Variants in FBXL17 observed in about 807,000 individuals in gnomAD.
FBXL17 encodes the protein F-box and leucine rich repeat protein 17.
FBXL17 carries 22 observed loss-of-function variants against 66.2 expected under a neutral mutation model. The observed-to-expected ratio is 0.33, with a 90% CI of 0.24 to 0.47. The LOEUF (loss-of-function observed/expected upper bound fraction) is 0.47, where lower values mean the gene tolerates loss of function less well. Among genes scored for constraint, FBXL17 ranks in the 20% least tolerant of loss-of-function variants. The probability of loss-of-function intolerance (pLI) is 1.00; values close to 1 mark genes in which losing one functional copy is unlikely to be tolerated. For synonymous variants in FBXL17, 474 were observed against 400.5 expected (o/e 1.18, Z -2.19); for missense variants, 878 against 948.2 (o/e 0.93, Z 0.97).
chr5:107,892,743 C>T (rs35075830), intron 7 of FBXL17, among the ~76,000 whole-genome samples: 2,004 of 152,248 alleles, frequency 0.013, 20 homozygotes, highest in Middle Eastern at 0.037. Flanking sequence ...ACAATTGTTT[C>T]TCCCTAACTG....
At chr5:107,927,350 A>G (rs1008006061) in intron 7 of FBXL17, among the ~76,000 whole-genome samples, 1 of 152,262 alleles carries the variant, frequency 6.6e-6, no homozygotes, top group East Asian at 1.9e-4. Flanking sequence ...GAAAAATGCA[A>G]TGGCTACTCT....
At chr5:108,297,829 A>C in intron 4 of FBXL17, 2 of 815,516 alleles carry the variant, frequency 2.5e-6, no homozygotes, top group Non-Finnish European at 3.0e-6. Flanking sequence ...TTACTGAATA[A>C]GCATTTAACA....
chr5:107,877,924 G>A (rs1217180591), intron 8 of FBXL17, among the ~76,000 whole-genome samples: 1 of 152,110 alleles, frequency 6.6e-6, no homozygotes, highest in Non-Finnish European at 1.5e-5. Flanking sequence ...CCTAATCATA[G>A]TTTTTCTGTT....
rs561819489 is a variant in FBXL17 at position 108,057,729 on chromosome 5, A to T, written c.1746-36728T>A. Among the ~76,000 whole-genome samples, 320 of 152,306 alleles carry T rather than the reference A, an allele frequency of 2.1e-3. 2 individuals carry two copies. Among genetic ancestry groups the T allele is most frequent in the African/African-American group, 7.1e-3 (297 of 41,586 alleles). On this transcript the variant is annotated intron_variant, in intron 6 of 8. Coordinates refer to ENST00000542267, the MANE Select transcript of FBXL17 (RefSeq NM_001163315.3). ...CTTTTTCTTAAATCCGTCCTAAGGGATTTTGTTCAAATAGTGTGCTCTTTC... is the reference window on the plus strand; with the variant it reads ...CTTTTTCTTAAATCCGTCCTAAGGGTTTTTGTTCAAATAGTGTGCTCTTTC...
chr5:108,200,343 C>G (rs1753840891), intron 5 of FBXL17, among the ~76,000 whole-genome samples: 1 of 151,926 alleles, frequency 6.6e-6, no homozygotes, highest in Non-Finnish European at 1.5e-5. Context: ...GTTCTGAGGG[C>G]AAGCAGCATG....
At chr5:108,183,034 ATTTTTTTTTT>A (rs34101023) in intron 6 of FBXL17, among the ~76,000 whole-genome samples, 3 of 91,558 alleles carry the variant, frequency 3.3e-5, no homozygotes, top group Non-Finnish European at 4.3e-5. Context: ...ACAGTTTTCT[ATTTTTTTTTT>A]TTTTTTTTTT....
chr5:108,205,508 T>C (rs570481812), intron 5 of FBXL17, among the ~76,000 whole-genome samples: 1 of 152,286 alleles, frequency 6.6e-6, no homozygotes, highest in African/African-American at 2.4e-5. Flanking sequence ...TCAAGCAAAA[T>C]CTCCACATCA....
intron 7 of FBXL17, among the ~76,000 whole-genome samples, chr5:107,934,208 C>G (rs1399818868): frequency 6.6e-6 from 1 of 152,052 alleles, no homozygotes; most frequent in East Asian, 1.9e-4. Flanking sequence ...TAATAATAAT[C>G]TAAAAGTAAA....
At chr5:107,982,568 G>A (rs1457422871) in intron 7 of FBXL17, among the ~76,000 whole-genome samples, 1 of 152,148 alleles carries the variant, frequency 6.6e-6, no homozygotes, top group African/African-American at 2.4e-5. Flanking sequence ...ATTTGCTAAA[G>A]GTGCTGCTTA....
At chr5:107,999,094 T>C (rs1444765772) in intron 7 of FBXL17, among the ~76,000 whole-genome samples, 1 of 152,228 alleles carries the variant, frequency 6.6e-6, no homozygotes, top group Non-Finnish European at 1.5e-5. Flanking sequence ...GGACCTTGTC[T>C]ATACTTTCCA....
chr5:108,221,454 T>A (rs1011037607), intron 5 of FBXL17, among the ~76,000 whole-genome samples: 1 of 152,136 alleles, frequency 6.6e-6, no homozygotes, highest in African/African-American at 2.4e-5. Flanking sequence ...TGAAGACAGA[T>A]CATCTAATAC....
rs73210821 is a variant in FBXL17, at chr5:108,147,853, C to T, written c.1745+38264G>A. Among the ~76,000 whole-genome samples, 1,247 of 151,770 alleles carry T rather than the reference C, an allele frequency of 8.2e-3. 20 individuals carry two copies. The highest frequency in any genetic ancestry group is 0.029 in the African/African-American group (1,192 of 41,400). ...GAATGTTAATTAGATTTATAACAAC[C>T]TCTTAATAGCAAGAAAGAGTACCAG... On this transcript the variant is annotated intron_variant, in intron 6 of 8. Coordinates refer to ENST00000542267, the MANE Select transcript of FBXL17 (RefSeq NM_001163315.3).
intron 6 of FBXL17, among the ~76,000 whole-genome samples, chr5:108,092,044 G>A (rs759554291): frequency 3.0e-4 from 46 of 152,116 alleles, no homozygotes; most frequent in East Asian, 7.7e-4. Context: ...TAGCTTTGGC[G>A]CTGTCCTGTA....
rs1159697399 is a variant in FBXL17, at chr5:108,194,560, C to A, written c.1615-8313G>T. 2.6e-5 allele frequency among the ~76,000 whole-genome samples: 4 copies of A among 152,288 alleles called. No individual in the cohort carries two copies. The East Asian group carries it at 7.7e-4, about 29-fold the overall frequency. ...CCTCTTTGACTTCTCCATCTCTTCA[C>A]CCTCCCTTCCCTGATCGCTTCCTTC... On this transcript the variant is annotated intron_variant, in intron 5 of 8. Transcript: ENST00000542267.
chr5:107,999,939 T>C lies in FBXL17; in HGVS notation c.1822+20986A>G, dbSNP rs181006020. On this transcript the variant is annotated intron_variant, in intron 7 of 8. Coordinates refer to ENST00000542267, the MANE Select transcript of FBXL17 (RefSeq NM_001163315.3). ...CAATTAAGAACAAGTAGAAAGGCGA[T>C]AATGAAAGGCAAGAAAGACAAGGTG... is the stretch of plus-strand genomic sequence containing the variant. Among the ~76,000 whole-genome samples the C allele has an allele frequency of 1.2e-3, 177 of 152,292 alleles. No homozygotes were observed. In the Middle Eastern group the frequency reaches 0.014, roughly 12 times the overall value.
intron 4 of FBXL17, among the ~76,000 whole-genome samples, chr5:108,326,611 C>CA (rs1478430223): frequency 4.0e-5 from 6 of 150,018 alleles, no homozygotes; most frequent in Non-Finnish European, 7.4e-5. Context: ...ACTCTGTCTC[C>CA]AAAAAAAAGC....
chr5:107,907,880 A>G (rs1216963403), intron 7 of FBXL17, among the ~76,000 whole-genome samples: 2 of 152,092 alleles, frequency 1.3e-5, no homozygotes, highest in Non-Finnish European at 2.9e-5. Context: ...TGTGGAAGTC[A>G]GTGTGGTGAT....
chr5:108,248,603 G>A (rs1255332158), intron 4 of FBXL17, among the ~76,000 whole-genome samples: 2 of 152,070 alleles, frequency 1.3e-5, no homozygotes, highest in Admixed American at 6.6e-5. Context: ...AATTCAAGAT[G>A]AGCGAATGTT....
At chr5:108,161,209 G>A (rs999420194) in intron 6 of FBXL17, among the ~76,000 whole-genome samples, 10 of 127,870 alleles carry the variant, frequency 7.8e-5, no homozygotes, top group African/African-American at 1.9e-4. Context: ...CCAGCCCAGC[G>A]CAGTGGCTCA....
Sources: gnomAD v4.1 joint callset for allele counts (sites outside exome capture counted in the v4.1 genomes callset) on GRCh38, gnomAD v4.1.1 for gene constraint, MANE v1.5 for transcripts, NCBI Gene and HGNC (gene_info 2026-07-23, HGNC 2026-07-21) for gene names.